Variants in KAZN observed in about 807,000 individuals in gnomAD.
KAZN encodes the protein kazrin, periplakin interacting protein.
KAZN carries 40 observed loss-of-function variants against 87.4 expected under a neutral mutation model. The observed-to-expected ratio is 0.46, with a 90% CI of 0.36 to 0.60. KAZN has a LOEUF of 0.60. KAZN is among the 20% of genes least tolerant of loss of function. The pLI, the probability that KAZN is intolerant of heterozygous loss-of-function variation, is 0.00. For synonymous variants in KAZN, 466 were observed against 458.3 expected (o/e 1.02, Z -0.22); for missense variants, 898 against 1,073.9 (o/e 0.84, Z 2.29).
intron 2 of KAZN, among the ~76,000 whole-genome samples, chr1:14,504,278 C>T (rs1670431632): frequency 6.6e-6 from 1 of 152,112 alleles, no homozygotes; most frequent in South Asian, 2.1e-4. Context: ...TGGCACTGGC[C>T]ACATTTACCG....
At chr1:14,317,111 G>T (rs1325816103) in intron 2 of KAZN, among the ~76,000 whole-genome samples, 1 of 151,824 alleles carries the variant, frequency 6.6e-6, no homozygotes, top group Non-Finnish European at 1.5e-5. Context: ...TTCTTCTATT[G>T]ATTATTGAGA....
At position 14,599,697 on chromosome 1, in the gene KAZN, A is replaced by T. The variant is rs2148596038; in HGVS notation, c.226+474A>T. On this transcript the variant is annotated intron_variant, in intron 1 of 14. Transcript: ENST00000376030. The surrounding 1 kb of genome is among the most constrained non-coding windows in gnomAD (Gnocchi z 4.4). ...CACTGCTGTGCACTTTTCTCCGCGG[A>T]TGCCAAATCCCTTGGCTCAGTTGCA... is the stretch of plus-strand genomic sequence containing the variant. Among the ~76,000 whole-genome samples the T allele has an allele frequency of 6.6e-6, 1 of 152,320 alleles. No individual in the cohort carries two copies. The highest frequency in any genetic ancestry group is 6.5e-5 in the Admixed American group (1 of 15,306).
rs1362170505 is a variant in KAZN at position 14,769,706 on chromosome 1, G to A, written c.226+170483G>A. On this transcript the variant is annotated intron_variant, in intron 1 of 14. Coordinates refer to ENST00000376030, the MANE Select transcript of KAZN (RefSeq NM_201628.3). The surrounding 1 kb of genome is among the most constrained non-coding windows in gnomAD (Gnocchi z 4.1). ...GCTCTTGATTAGTGTCTAAGTGATT[G>A]CGGGAAATTAACACTGGTCCTTCAT... is the stretch of plus-strand genomic sequence containing the variant. Among the ~76,000 whole-genome samples, 1 of 152,208 alleles carries A rather than the reference G, an allele frequency of 6.6e-6. No homozygotes were observed. Among genetic ancestry groups the A allele is most frequent in the Non-Finnish European group, 1.5e-5 (1 of 68,050 alleles).
At chr1:14,575,340 C>T (rs982870389) in intron 2 of KAZN, among the ~76,000 whole-genome samples, 18 of 152,132 alleles carry the variant, frequency 1.2e-4, no homozygotes, top group African/African-American at 3.4e-4. Context: ...CTCACAATCA[C>T]GGCAGAAGGC....
At chr1:14,512,513 T>A (rs1425508490) in intron 2 of KAZN, among the ~76,000 whole-genome samples, 3 of 140,454 alleles carry the variant, frequency 2.1e-5, no homozygotes, top group Non-Finnish European at 4.6e-5. Context: ...ACCACTGAAT[T>A]AGGCTGCATG....
chr1:14,413,994 T>TC (rs1664535584), intron 2 of KAZN, among the ~76,000 whole-genome samples: 1 of 152,212 alleles, frequency 6.6e-6, no homozygotes, highest in Non-Finnish European at 1.5e-5. Flanking sequence ...GGAGATCTTT[T>TC]CATTCCGATC....
chr1:13,982,634 C>T (rs2101083169), intron 1 of KAZN, among the ~76,000 whole-genome samples: 1 of 152,308 alleles, frequency 6.6e-6, no homozygotes, highest in Middle Eastern at 3.4e-3. Flanking sequence ...GCCGAGTGGT[C>T]TGTTTTGACA....
intron 1 of KAZN, among the ~76,000 whole-genome samples, chr1:14,098,350 T>G (rs937233145): frequency 6.6e-6 from 1 of 152,178 alleles, no homozygotes; most frequent in African/African-American, 2.4e-5. Flanking sequence ...TTTTTTGCCC[T>G]ATGGTCAAGT....
chr1:14,502,876 G>A (rs914600508), intron 2 of KAZN, among the ~76,000 whole-genome samples: 2 of 152,292 alleles, frequency 1.3e-5, no homozygotes, highest in African/African-American at 4.8e-5. Flanking sequence ...ACACCCTTCA[G>A]AGAGAGTTGC....
In KAZN at chr1:14,722,791, G is replaced by A. The variant is rs546794077; in HGVS notation, c.226+123568G>A. 3.9e-5 allele frequency among the ~76,000 whole-genome samples: 6 copies of A among 152,166 alleles called. No individual in the cohort carries two copies. The South Asian group carries it at 1.2e-3, about 32-fold the overall frequency. On this transcript the variant is annotated intron_variant, in intron 1 of 14. Transcript: ENST00000376030. Reference sequence around the variant, plus strand: ...ACCTAGATTCCCTTCCCCAGCCCCTGTTCCTACGTGAGTTTGAAGCAAATC... The same window carrying A: ...ACCTAGATTCCCTTCCCCAGCCCCTATTCCTACGTGAGTTTGAAGCAAATC...
At chr1:14,416,688 G>C (rs1484394442) in intron 2 of KAZN, among the ~76,000 whole-genome samples, 2 of 151,962 alleles carry the variant, frequency 1.3e-5, no homozygotes, top group Non-Finnish European at 2.9e-5. Context: ...AGTGAGCTGA[G>C]ATCACGCCAC....
At chr1:14,149,277 A>T (rs1371705865) in intron 1 of KAZN, among the ~76,000 whole-genome samples, 109 of 142,030 alleles carry the variant, frequency 7.7e-4, no homozygotes, top group African/African-American at 2.6e-3. Context: ...AATTTTTTGT[A>T]TTTTTTTTTT....
intron 1 of KAZN, among the ~76,000 whole-genome samples, chr1:14,942,821 G>A (rs1358202015): frequency 1.3e-5 from 2 of 152,158 alleles, no homozygotes; most frequent in African/African-American, 4.8e-5. Context: ...AGGAGGACCT[G>A]GAAGGATGCT....
chr1:14,073,591 C>T (rs1643330541), intron 1 of KAZN, among the ~76,000 whole-genome samples: 1 of 152,076 alleles, frequency 6.6e-6, no homozygotes, highest in Admixed American at 6.5e-5. Context: ...TGATGTTCCC[C>T]TCCCTGTGTC....
intron 2 of KAZN, among the ~76,000 whole-genome samples, chr1:14,448,627 C>T (rs542250999): frequency 6.6e-6 from 1 of 152,220 alleles, no homozygotes; most frequent in Non-Finnish European, 1.5e-5. Context: ...TTCCCAACAA[C>T]TCTTGACTGG....
At chr1:13,977,298 T>C (rs148709302) in intron 1 of KAZN, among the ~76,000 whole-genome samples, 7 of 152,378 alleles carry the variant, frequency 4.6e-5, no homozygotes, top group Middle Eastern at 3.4e-3. Flanking sequence ...TCAGTGGTTT[T>C]TCTTGTGACA....
chr1:14,341,312 T>G (rs1657709218), intron 2 of KAZN, among the ~76,000 whole-genome samples: 1 of 152,258 alleles, frequency 6.6e-6, no homozygotes, highest in Non-Finnish European at 1.5e-5. Context: ...TTATCAGATG[T>G]GACAGGCACC....
chr1:15,050,849 C>T (rs1674324799), intron 4 of KAZN, among the ~76,000 whole-genome samples: 3 of 152,198 alleles, frequency 2.0e-5, no homozygotes, highest in Non-Finnish European at 2.9e-5. Context: ...GGTCTTTGGT[C>T]CTTAGTCATT....
At chr1:14,044,162 C>A (rs1641958932) in intron 1 of KAZN, among the ~76,000 whole-genome samples, 1 of 152,084 alleles carries the variant, frequency 6.6e-6, no homozygotes, top group Non-Finnish European at 1.5e-5. Flanking sequence ...GACTCCAGAA[C>A]CTGCTTGCCT....
Sources: gnomAD v4.1 joint callset for allele counts (sites outside exome capture counted in the v4.1 genomes callset) on GRCh38, gnomAD v4.1.1 for gene constraint, Gnocchi (gnomAD v3.1) non-coding constraint, MANE v1.5 for transcripts, NCBI Gene and HGNC (gene_info 2026-07-23, HGNC 2026-07-21) for gene names.